UTY: variants seen among roughly 807,000 people sequenced by gnomAD.
UTY encodes ubiquitously transcribed tetratricopeptide repeat containing, Y-linked, also known as histone demethylase UTY.
UTY carries 12 observed loss-of-function variants against 32.5 expected under a neutral mutation model. The ratio of observed to expected loss-of-function variants is 0.37; its 90% CI spans 0.24 to 0.60. The LOEUF (loss-of-function observed/expected upper bound fraction) is 0.60, where lower values mean the gene tolerates loss of function less well. Ranked by LOEUF, UTY falls within the 20% of genes least tolerant of loss-of-function variation. UTY has a pLI of 0.69. For missense variants in UTY, 303 were observed against 299.2 expected, an observed-to-expected ratio of 1.01 and a Z score of -0.09; for synonymous variants, 131 against 103.4, an observed-to-expected ratio of 1.27 and a Z score of -1.62.
At chrY:13,377,639 G>C in intron 8 of UTY, among the ~76,000 whole-genome samples, 1 of 33,176 alleles carries the variant, frequency 3.0e-5, no homozygotes, top group Non-Finnish European at 7.4e-5. Flanking sequence ...TAGAACCGGG[G>C]ACGTGGAGGT....
chrY:13,276,506 G>A, intron 27 of UTY, among the ~76,000 whole-genome samples: 1 of 33,218 alleles, frequency 3.0e-5, no homozygotes, highest in African/African-American at 1.2e-4. Flanking sequence ...TCAGGAGATC[G>A]AGACCATCCC....
chrY:13,354,956 A>T (rs1341895980), intron 17 of UTY, 47 bp downstream of exon 17: 1 of 388,604 alleles, frequency 2.6e-6, no homozygotes, highest in South Asian at 3.1e-5. Flanking sequence ...CTAAATAAAG[A>T]TAAACTACTA....
chrY:13,379,752 C>A (rs2065804384), intron 8 of UTY, among the ~76,000 whole-genome samples: 1 of 29,066 alleles, frequency 3.4e-5, no homozygotes, highest in Non-Finnish European at 8.1e-5. Context: ...CCTAGCTATC[C>A]TGTCCTGTAT....
At chrY:13,358,726 A>G in intron 13 of UTY, 107 bp from the exon 14 acceptor site, 1 of 179,438 alleles carries the variant, frequency 5.6e-6, no homozygotes, top group South Asian at 7.4e-5. Flanking sequence ...GACATCATTG[A>G]TGGTAATTAT....
At chrY:13,477,455 G>C in intron 2 of UTY, among the ~76,000 whole-genome samples, 1 of 33,250 alleles carries the variant, frequency 3.0e-5, no homozygotes, top group Non-Finnish European at 7.4e-5. Flanking sequence ...CAAATGAAGT[G>C]AAATTGAGTT....
chrY:13,419,823 C>T (rs2072295551), intron 4 of UTY, among the ~76,000 whole-genome samples: 2 of 33,360 alleles, frequency 6.0e-5, no homozygotes, highest in African/African-American at 2.3e-4. Context: ...GGCACATTTG[C>T]ATTAGCCTAT....
intron 24 of UTY, 148 bp downstream of exon 24, chrY:13,305,251 G>C: frequency 1.6e-5 from 2 of 127,582 alleles, no homozygotes; most frequent in African/African-American, 9.6e-5. Context: ...TCAATTTTAA[G>C]AGTAATATGA....
chrY:13,271,588 G>A, intron 27 of UTY, among the ~76,000 whole-genome samples: 1 of 33,090 alleles, frequency 3.0e-5, no homozygotes, highest in Non-Finnish European at 7.4e-5. Context: ...AGAGAATAAT[G>A]ACACCTATTT....
intron 4 of UTY, among the ~76,000 whole-genome samples, chrY:13,438,713 C>T (rs755839496): frequency 3.0e-5 from 1 of 33,493 alleles, no homozygotes; most frequent in South Asian, 6.6e-4. Context: ...AAAAGATCAG[C>T]CTTTTGAAAA....
chrY:13,339,971 T>C (rs2061377822), intron 17 of UTY, among the ~76,000 whole-genome samples: 1 of 33,191 alleles, frequency 3.0e-5, no homozygotes. Flanking sequence ...GCTGAAAAAC[T>C]TTAAAAAAGG....
rs1002926913 is a variant in UTY at position 13,451,449 on chromosome Y, G to A, written c.326-2383C>T. ...ACGGAAAAAGGAACAGAAAGCCTGA[G>A]GAATACCATAGTGGTAAATTCCCAC... On this transcript the variant is annotated intron_variant, in intron 3 of 29. Coordinates refer to ENST00000545955, the MANE Select transcript of UTY (RefSeq NM_001258249.2). Among the ~76,000 whole-genome samples, 9 of 33,235 alleles carry A rather than the reference G, an allele frequency of 2.7e-4. No individual in the cohort carries two copies. In the East Asian group the frequency reaches 7.1e-3, roughly 26 times the overall value. 89.2% of individuals were successfully genotyped at this position (33,235 alleles called of 37,273 possible).
intron 4 of UTY, among the ~76,000 whole-genome samples, chrY:13,442,165 G>A: frequency 5.9e-5 from 2 of 34,009 alleles, no homozygotes; most frequent in Non-Finnish European, 1.5e-4. Context: ...AAACAGACTG[G>A]CATTAGATTA....
intron 3 of UTY, among the ~76,000 whole-genome samples, chrY:13,467,777 G>GA (rs2078054707): frequency 8.5e-4 from 13 of 15,232 alleles, no homozygotes; most frequent in South Asian, 6.8e-3. Flanking sequence ...TCTCAAAAAA[G>GA]AAAAAAAAAA....
chrY:13,338,996 A>G (rs1043149316), intron 17 of UTY, among the ~76,000 whole-genome samples: 2 of 33,901 alleles, frequency 5.9e-5, no homozygotes, highest in African/African-American at 1.2e-4. Flanking sequence ...TCAAGATGTA[A>G]GAAATGTTGT....
At chrY:13,282,794 C>T in intron 27 of UTY, among the ~76,000 whole-genome samples, 4 of 34,103 alleles carry the variant, frequency 1.2e-4, no homozygotes, top group African/African-American at 3.4e-4. Flanking sequence ...GTTCCCTGAC[C>T]GGGAAACATG....
chrY:13,476,387 G>A, intron 2 of UTY, among the ~76,000 whole-genome samples: 1 of 33,623 alleles, frequency 3.0e-5, no homozygotes, highest in South Asian at 6.5e-4. Flanking sequence ...TTACAGGTTA[G>A]CAAACAAAAC....
intron 18 of UTY, among the ~76,000 whole-genome samples, chrY:13,330,257 A>C: frequency 6.2e-5 from 2 of 32,117 alleles, no homozygotes; most frequent in African/African-American, 1.2e-4. Flanking sequence ...AAATAGGAAC[A>C]GCTCCAGTCG....
At chrY:13,387,250 A>G (rs2066960189) in intron 8 of UTY, among the ~76,000 whole-genome samples, 1 of 33,011 alleles carries the variant, frequency 3.0e-5, no homozygotes, top group Non-Finnish European at 7.4e-5. Flanking sequence ...AAACAAAAAC[A>G]AATTATACAA....
chrY:13,321,756 T>C, intron 21 of UTY, among the ~76,000 whole-genome samples: 1 of 33,448 alleles, frequency 3.0e-5, no homozygotes, highest in Admixed American at 2.7e-4. Context: ...CTTGGGGAAA[T>C]GTCGTCAGGA....
Sources: gnomAD v4.1 joint callset for allele counts (sites outside exome capture counted in the v4.1 genomes callset) on GRCh38, gnomAD v4.1.1 for gene constraint, MANE v1.5 for transcripts, NCBI Gene and HGNC (gene_info 2026-07-23, HGNC 2026-07-21) for gene names.